The following MBNL2 variants were observed in gnomAD, a reference collection of about 807,000 sequenced individuals.
The protein encoded by MBNL2 is muscleblind-like protein 2.
In MBNL2, 17 loss-of-function variants were observed where a neutral mutation model predicts 41.9. The observed-to-expected ratio is 0.41, with a 90% CI of 0.28 to 0.61. The LOEUF (loss-of-function observed/expected upper bound fraction) is 0.61, where lower values mean the gene tolerates loss of function less well. MBNL2 is among the 20% of genes least tolerant of loss of function. The pLI is 0.35. For missense variants in MBNL2, 336 were observed against 505.6 expected, an observed-to-expected ratio of 0.66 and a Z score of 3.22; for synonymous variants, 195 against 182.9, an observed-to-expected ratio of 1.07 and a Z score of -0.53.
chr13:97,266,655 C>T (rs1028663845), intron 1 of MBNL2, among the ~76,000 whole-genome samples: 17 of 152,220 alleles, frequency 1.1e-4, no homozygotes, highest in Admixed American at 8.5e-4. Context: ...TTAAATTAGT[C>T]TCCAGAAATA....
chr13:97,290,316 G>C (rs113237950), intron 2 of MBNL2, among the ~76,000 whole-genome samples: 13,494 of 152,186 alleles, frequency 0.089, 654 homozygotes, highest in South Asian at 0.14. Context: ...TGTTAGAAAG[G>C]AGACAAATTT....
intron 1 of MBNL2, among the ~76,000 whole-genome samples, chr13:97,232,273 C>G (rs2042490990): frequency 6.6e-6 from 1 of 152,108 alleles, no homozygotes; most frequent in Non-Finnish European, 1.5e-5. Context: ...TTTCCTAGAA[C>G]CAGGAGTCAA....
the MBNL2 span, among the ~76,000 whole-genome samples, chr13:97,155,650 G>A: frequency 6.6e-6 from 1 of 150,524 alleles, no homozygotes; most frequent in East Asian, 2.0e-4. Context: ...TGCGGTGTTT[G>A]GTTTTTTGTT....
At chr13:97,218,794 T>G (rs1199712195), upstream of MBNL2, among the ~76,000 whole-genome samples, 1 of 151,784 alleles carries the variant, frequency 6.6e-6, no homozygotes, top group Non-Finnish European at 1.5e-5. Flanking sequence ...AGAAAAAAGA[T>G]TAAGTCCAGC....
the MBNL2 span, among the ~76,000 whole-genome samples, chr13:97,143,371 T>C: frequency 5.9e-5 from 9 of 152,220 alleles, no homozygotes; most frequent in African/African-American, 2.2e-4. Flanking sequence ...TTAGAATTCT[T>C]TGAAGGACCT....
rs761281414 is a variant in MBNL2, at chr13:97,343,148, G to A, written c.472G>A (p.Gly158Arg). ...ILPTTPVIVP[G>R]SPPVTVPGST... ...GCCCACCACGCCTGTTATTGTTCCCGGAAGTCCACCGGTCACTGTCCCGGG... is the reference window on the plus strand; with the variant it reads ...GCCCACCACGCCTGTTATTGTTCCCAGAAGTCCACCGGTCACTGTCCCGGG... Residue 158 changes from glycine to arginine, a missense_variant, in exon 4 of 9, where the codon GGA becomes AGA. Transcript: ENST00000679496. 10 of 1,613,828 alleles carry A rather than the reference G, an allele frequency of 6.2e-6. No individual in the cohort carries two copies. In the Admixed American group the frequency reaches 1.0e-4, roughly 16 times the overall value.
intron 8 of MBNL2, among the ~76,000 whole-genome samples, chr13:97,380,677 T>A (rs2065367909): frequency 6.6e-6 from 1 of 152,162 alleles, no homozygotes; most frequent in Admixed American, 6.5e-5. Context: ...AGAAGGGTCA[T>A]CTCAGAAAGT....
chr13:97,326,062 G>A (rs1391409369), intron 2 of MBNL2, among the ~76,000 whole-genome samples: 1 of 152,192 alleles, frequency 6.6e-6, no homozygotes, highest in Non-Finnish European at 1.5e-5. Context: ...TTGAAGAAAG[G>A]TAAAAGCACT....
At chr13:97,185,143 T>A in the MBNL2 span, among the ~76,000 whole-genome samples, 1 of 152,310 alleles carries the variant, frequency 6.6e-6, no homozygotes, top group Non-Finnish European at 1.5e-5. Flanking sequence ...ATATTTGATA[T>A]CCAAAACAAA....
At chr13:97,222,716 C>A (rs1389304795) in intron 1 of MBNL2, among the ~76,000 whole-genome samples, 185 bp downstream of exon 1, 4 of 152,164 alleles carry the variant, frequency 2.6e-5, no homozygotes, top group Admixed American at 6.5e-5. Flanking sequence ...AAGCTTGAAT[C>A]TATGCCGCCT....
At chr13:97,226,911 C>T (rs994360541) in intron 1 of MBNL2, among the ~76,000 whole-genome samples, 3 of 152,142 alleles carry the variant, frequency 2.0e-5, no homozygotes, top group East Asian at 1.9e-4. Context: ...TCCTGTCCCA[C>T]ACTTCTGAGC....
chr13:97,156,848 CT>C, the MBNL2 span, among the ~76,000 whole-genome samples: 2 of 152,138 alleles, frequency 1.3e-5, no homozygotes, highest in Non-Finnish European at 2.9e-5. Flanking sequence ...CAGCTTTGTT[CT>C]TTTGGCTTAG....
intron 1 of MBNL2, among the ~76,000 whole-genome samples, chr13:97,257,794 G>A (rs1378261581): frequency 6.6e-6 from 1 of 152,218 alleles, no homozygotes. Context: ...GGATTTAGGG[G>A]GGCACTGGCC....
chr13:97,270,335 AATAAG>A (rs1379976845), intron 1 of MBNL2, among the ~76,000 whole-genome samples: 1 of 151,448 alleles, frequency 6.6e-6, no homozygotes, highest in African/African-American at 2.4e-5. Flanking sequence ...AAACAATCTT[AATAAG>A]ATATTTTCAC....
intron 1 of MBNL2, among the ~76,000 whole-genome samples, chr13:97,229,915 G>C (rs1281518741): frequency 1.3e-5 from 2 of 152,204 alleles, no homozygotes; most frequent in Non-Finnish European, 2.9e-5. Flanking sequence ...AAGTGGAAAA[G>C]GGTTGCATTA....
At chr13:97,209,000 T>C in the MBNL2 span, among the ~76,000 whole-genome samples, 1 of 152,170 alleles carries the variant, frequency 6.6e-6, no homozygotes, top group African/African-American at 2.4e-5. Context: ...CTGTGAGTGG[T>C]TTTTATATCC....
chr13:97,343,055 GCTATTAGCTTTGCTC>G lies in MBNL2; in HGVS notation c.382_396del (p.Ile128_Pro132del). On this transcript the variant is annotated inframe_deletion, in exon 4 of 9. Transcript: ENST00000679496. ...AGGTCCCGCGATAGGGACAAATACG[GCTATTAGCTTTGCTC>G]CTTACCTAGCACCTGTAACCCCTGG... 1 of 1,613,982 alleles carries G rather than the reference GCTATTAGCTTTGCTC, an allele frequency of 6.2e-7. No homozygotes were observed. Among genetic ancestry groups the G allele is most frequent in the Non-Finnish European group, 8.5e-7 (1 of 1,179,918 alleles).
At chr13:97,339,431 C>A (rs1346483032) in intron 3 of MBNL2, among the ~76,000 whole-genome samples, 1 of 152,084 alleles carries the variant, frequency 6.6e-6, no homozygotes, top group Admixed American at 6.5e-5. Flanking sequence ...CGATTTTCTT[C>A]AAGAAGGCTT....
rs2066412596 is a variant in MBNL2, at chr13:97,392,715, T to C, written c.*1266T>C. The C allele has an allele frequency of 1.3e-5, 2 of 152,500 alleles. No homozygotes were observed. The highest frequency in any genetic ancestry group is 2.9e-5 in the Non-Finnish European group (2 of 67,960). The allele number at this position is 152,500 out of a possible 1,614,324, so 9.4% of individuals were successfully genotyped here. A position where few individuals can be genotyped will look rare whatever the true frequency, so the allele number is the denominator to read the frequency against. ...GTTTTAAAGTTTATTTTAAGCACTA[T>C]CGTACCAAATATTTCATATTTCACA... On this transcript the variant is annotated 3_prime_UTR_variant, in exon 9 of 9. Transcript: ENST00000679496.
Sources: allele counts gnomAD v4.1 joint callset (sites outside exome capture counted in the v4.1 genomes callset), GRCh38; gene constraint gnomAD v4.1.1; transcripts MANE v1.5; gene names NCBI Gene and HGNC (gene_info 2026-07-23, HGNC 2026-07-21).